PTPRM: variants seen among roughly 807,000 people sequenced by gnomAD.
The protein encoded by PTPRM is protein tyrosine phosphatase receptor type M, also known as receptor-type tyrosine-protein phosphatase mu.
In PTPRM, 47 loss-of-function variants were observed where a neutral mutation model predicts 186.7. The observed-to-expected ratio is 0.25, with a 90% confidence interval of 0.20 to 0.32. The LOEUF (loss-of-function observed/expected upper bound fraction) is 0.32. PTPRM is among the 10% of genes least tolerant of loss of function. PTPRM has a pLI of 1.00. For missense variants in PTPRM, 1,494 were observed against 1,865.0 expected, an observed-to-expected ratio of 0.80 and a Z score of 3.66; for synonymous variants, 668 against 674.9, an observed-to-expected ratio of 0.99 and a Z score of 0.16.
At chr18:7,749,355 T>G (rs1209257053) in intron 1 of PTPRM, 1 of 152,180 alleles carries the variant, frequency 6.6e-6, no homozygotes, top group Non-Finnish European at 1.5e-5. Flanking sequence ...ACTCACATTT[T>G]TTTTTGGTCA....
intron 5 of PTPRM, among the ~76,000 whole-genome samples, chr18:7,946,425 C>G (rs892103455): frequency 1.3e-5 from 2 of 152,128 alleles, no homozygotes; most frequent in African/African-American, 4.8e-5. Flanking sequence ...TGCAATCTGC[C>G]TTTATGGCTT....
At chr18:7,787,543 T>C (rs1183359319) in intron 2 of PTPRM, among the ~76,000 whole-genome samples, 1 of 152,218 alleles carries the variant, frequency 6.6e-6, no homozygotes, top group Middle Eastern at 3.2e-3. Context: ...TCTCCCCTTC[T>C]TCCTGTCATG....
chr18:8,116,998 C>G (rs923179045), intron 13 of PTPRM, among the ~76,000 whole-genome samples: 7 of 152,170 alleles, frequency 4.6e-5, no homozygotes, highest in African/African-American at 1.7e-4. Context: ...AAGAGGAAAC[C>G]TTGGAAGATA....
chr18:7,632,657 G>C (rs1469309355), intron 1 of PTPRM, among the ~76,000 whole-genome samples: 1 of 152,184 alleles, frequency 6.6e-6, no homozygotes, highest in African/African-American at 2.4e-5. Flanking sequence ...GCCATCAACT[G>C]TGCCAGAAGT....
At chr18:8,304,608 A>G (rs914754115) in intron 20 of PTPRM, among the ~76,000 whole-genome samples, 9 of 152,174 alleles carry the variant, frequency 5.9e-5, no homozygotes, top group African/African-American at 1.7e-4. Flanking sequence ...ATTATGATAT[A>G]AACATGAGTT....
chr18:7,677,584 G>C (rs144011425), intron 1 of PTPRM, among the ~76,000 whole-genome samples: 2 of 152,122 alleles, frequency 1.3e-5, no homozygotes, highest in African/African-American at 2.4e-5. Flanking sequence ...CTTGGTACAC[G>C]TGGCTGGGCA....
At chr18:7,996,172 C>A (rs1286050284) in intron 7 of PTPRM, among the ~76,000 whole-genome samples, 3 of 149,754 alleles carry the variant, frequency 2.0e-5, no homozygotes, top group Non-Finnish European at 4.4e-5. Flanking sequence ...TTTTTTCTTT[C>A]CTTTCTTTCT....
intron 1 of PTPRM, among the ~76,000 whole-genome samples, chr18:7,768,070 A>G (rs1162236138): frequency 6.6e-6 from 1 of 152,234 alleles, no homozygotes; most frequent in Non-Finnish European, 1.5e-5. Flanking sequence ...AGGAGTACCA[A>G]GGTGACTAAG....
At position 7,776,344 on chromosome 18, in the gene PTPRM, G is replaced by T. The variant is rs1277666696; in HGVS notation, c.196+2073G>T. 5.3e-5 allele frequency among the ~76,000 whole-genome samples: 8 copies of T among 152,136 alleles called. No homozygotes were observed. In the South Asian group the frequency reaches 8.3e-4, roughly 16 times the overall value. ...ATTGTTTGGACCTGAGAGTGGTTTA[G>T]GTGTCAGCATTTGAGTGAGGAAAGG... On this transcript the variant is annotated intron_variant, in intron 2 of 32. Coordinates refer to ENST00000580170, the MANE Select transcript of PTPRM (RefSeq NM_001105244.2).
In PTPRM at chr18:7,719,666, G is replaced by A. The variant is rs74602398; in HGVS notation, c.74-54483G>A. Among the ~76,000 whole-genome samples the A allele has an allele frequency of 6.6e-5, 10 of 152,154 alleles. No homozygotes were observed. In the East Asian group the frequency reaches 1.9e-3, roughly 29 times the overall value. On this transcript the variant is annotated intron_variant, in intron 1 of 32. Transcript: ENST00000580170. ...CATAATACTTAGTGGTTAAATAAGA[G>A]AGGCATTCCTATTAAGTTTCCAAAC...
intron 1 of PTPRM, among the ~76,000 whole-genome samples, chr18:7,766,726 T>G (rs897301959): frequency 2.0e-5 from 3 of 152,208 alleles, no homozygotes; most frequent in African/African-American, 7.2e-5. Flanking sequence ...GCAGGATCTC[T>G]CCTGTACCCT....
chr18:7,827,034 C>G (rs1406511641), intron 2 of PTPRM, among the ~76,000 whole-genome samples: 1 of 152,046 alleles, frequency 6.6e-6, no homozygotes, highest in Non-Finnish European at 1.5e-5. Flanking sequence ...TCCAGGAGGT[C>G]GAGGCTGCAG....
intron 14 of PTPRM, among the ~76,000 whole-genome samples, chr18:8,185,246 C>G (rs958513161): frequency 1.3e-5 from 2 of 152,228 alleles, no homozygotes; most frequent in African/African-American, 2.4e-5. Flanking sequence ...ACATCCATCT[C>G]TCCTGTAGGG....
intron 14 of PTPRM, among the ~76,000 whole-genome samples, chr18:8,238,661 T>G (rs1259568160): frequency 1.5e-5 from 2 of 136,668 alleles, no homozygotes; most frequent in African/African-American, 2.7e-5. Flanking sequence ...GTTTTTTTTT[T>G]TTTTTTTTTT....
At chr18:7,778,293 A>G (rs1045259562) in intron 2 of PTPRM, among the ~76,000 whole-genome samples, 5 of 152,136 alleles carry the variant, frequency 3.3e-5, no homozygotes, top group African/African-American at 1.2e-4. Flanking sequence ...TTGTATTTCA[A>G]GTGAACATTC....
chr18:8,135,321 A>C lies in PTPRM; in HGVS notation c.2168-8326A>C, dbSNP rs1195824635. Among the ~76,000 whole-genome samples the C allele has an allele frequency of 2.0e-5, 3 of 152,228 alleles. No homozygotes were observed. In the East Asian group the frequency reaches 5.8e-4, roughly 29 times the overall value. On this transcript the variant is annotated intron_variant, in intron 13 of 32. Coordinates refer to ENST00000580170, the MANE Select transcript of PTPRM (RefSeq NM_001105244.2). ...ATATTATTATATTAGGAGATGTTTTAAGGATAACAACACAATTACATTTTT... is the reference window on the plus strand; with the variant it reads ...ATATTATTATATTAGGAGATGTTTTCAGGATAACAACACAATTACATTTTT...
At chr18:7,774,313 A>G (rs2042478155) in intron 2 of PTPRM, 42 bp downstream of exon 2, 1 of 1,603,074 alleles carries the variant, frequency 6.2e-7, no homozygotes, top group Non-Finnish European at 8.5e-7. Context: ...GAGGAACACA[A>G]GAGTCTCAAT....
chr18:8,206,722 T>C (rs1175227015), intron 14 of PTPRM, among the ~76,000 whole-genome samples: 1 of 152,060 alleles, frequency 6.6e-6, no homozygotes, highest in Non-Finnish European at 1.5e-5. Flanking sequence ...AGCAACAAAA[T>C]GGAAATTTTC....
At chr18:8,193,261 G>A (rs28438851) in intron 14 of PTPRM, among the ~76,000 whole-genome samples, 80,349 of 151,966 alleles carry the variant, frequency 0.53, 21,680 homozygotes, top group East Asian at 0.84. Context: ...TCAGGTGTGT[G>A]TTATACTGCT....
Sources: gnomAD v4.1 joint callset for allele counts (sites outside exome capture counted in the v4.1 genomes callset) on GRCh38, gnomAD v4.1.1 for gene constraint, MANE v1.5 for transcripts, NCBI Gene and HGNC (gene_info 2026-07-23, HGNC 2026-07-21) for gene names.